FBXL17: variants seen among roughly 807,000 people sequenced by gnomAD.
FBXL17 encodes F-box and leucine rich repeat protein 17.
A neutral mutation model predicts 66.2 loss-of-function variants in FBXL17; 22 were observed. The observed-to-expected ratio is 0.33, with a 90% CI of 0.24 to 0.47. The LOEUF (loss-of-function observed/expected upper bound fraction) is 0.47. FBXL17 is among the 20% of genes least tolerant of loss of function. FBXL17 has a pLI of 1.00. For synonymous variants in FBXL17, 474 were observed against 400.5 expected (o/e 1.18, Z -2.19); for missense variants, 878 against 948.2 (o/e 0.93, Z 0.97).
In FBXL17 at chr5:107,987,289, T is replaced by G. The variant is rs576872400; in HGVS notation, c.1822+33636A>C. Among the ~76,000 whole-genome samples, 62 of 27,646 alleles carry G rather than the reference T, an allele frequency of 2.2e-3. 3 individuals carry two copies. The South Asian group carries it at 0.092, about 41-fold the overall frequency. The allele number at this position is 27,646 out of a possible 152,430, so 18.1% of individuals were successfully genotyped here. A position where few individuals can be genotyped will look rare whatever the true frequency, so the allele number is the denominator to read the frequency against. On this transcript the variant is annotated intron_variant, in intron 7 of 8. Coordinates refer to ENST00000542267, the MANE Select transcript of FBXL17 (RefSeq NM_001163315.3). The stretch of plus-strand genomic sequence containing the variant: ...ATTTTCAGCTTCTCACATCTGCTAT[T>G]GCTTGTTTTTTTTTTTTTAACCAAC...
intron 3 of FBXL17, among the ~76,000 whole-genome samples, chr5:108,360,807 A>G (rs1019247027): frequency 3.3e-5 from 5 of 151,986 alleles, no homozygotes; most frequent in Non-Finnish European, 7.4e-5. Flanking sequence ...TCTTAGACTC[A>G]ATAAATTCAA....
chr5:108,168,369 G>T (rs897968766), intron 6 of FBXL17, among the ~76,000 whole-genome samples: 2 of 152,006 alleles, frequency 1.3e-5, no homozygotes, highest in African/African-American at 2.4e-5. Flanking sequence ...CTTTCAAATG[G>T]GTCTAGCTTA....
intron 6 of FBXL17, among the ~76,000 whole-genome samples, chr5:108,046,329 T>C (rs926620853): frequency 6.6e-6 from 1 of 152,226 alleles, no homozygotes; most frequent in Non-Finnish European, 1.5e-5. Context: ...CCTGCCTATA[T>C]TGTTATAGTT....
intron 7 of FBXL17, among the ~76,000 whole-genome samples, chr5:108,001,815 T>G (rs139152457): frequency 3.3e-5 from 5 of 150,910 alleles, no homozygotes; most frequent in African/African-American, 9.9e-5. Context: ...ATTAGTTTCT[T>G]AAGGTTAGTT....
intron 4 of FBXL17, among the ~76,000 whole-genome samples, chr5:108,338,147 T>C (rs1293426810): frequency 6.6e-6 from 1 of 151,716 alleles, no homozygotes; most frequent in East Asian, 1.9e-4. Flanking sequence ...ATTAACCTAC[T>C]AAAAAGATAT....
intron 7 of FBXL17, among the ~76,000 whole-genome samples, chr5:107,990,573 A>G (rs994797575): frequency 6.6e-6 from 1 of 152,196 alleles, no homozygotes; most frequent in Admixed American, 6.6e-5. Flanking sequence ...AATAATAACA[A>G]TAACAACTAA....
chr5:108,178,992 G>T (rs898343419), intron 6 of FBXL17, among the ~76,000 whole-genome samples: 1 of 152,124 alleles, frequency 6.6e-6, no homozygotes, highest in African/African-American at 2.4e-5. Context: ...TCAGTCTCTA[G>T]GAGAATTAAG....
chr5:108,172,726 C>A (rs948932896), intron 6 of FBXL17, among the ~76,000 whole-genome samples: 1 of 152,170 alleles, frequency 6.6e-6, no homozygotes, highest in African/African-American at 2.4e-5. Context: ...GAGCCTTCAA[C>A]ACTTTTCTAT....
chr5:107,961,742 T>C (rs561796949), intron 7 of FBXL17, among the ~76,000 whole-genome samples: 1 of 152,300 alleles, frequency 6.6e-6, no homozygotes, highest in African/African-American at 2.4e-5. Flanking sequence ...AGATACCTGA[T>C]TCAAGAATGC....
At chr5:108,375,956 G>T (rs778680707) in intron 1 of FBXL17, among the ~76,000 whole-genome samples, 1 of 152,102 alleles carries the variant, frequency 6.6e-6, no homozygotes, top group Non-Finnish European at 1.5e-5. Flanking sequence ...TGCAAGGATG[G>T]TTCAACATAT....
chr5:108,207,691 A>C (rs1430368906), intron 5 of FBXL17, among the ~76,000 whole-genome samples: 2 of 152,148 alleles, frequency 1.3e-5, no homozygotes, highest in East Asian at 3.9e-4. Flanking sequence ...CATGGTGTAT[A>C]TGTGCCACAT....
chr5:107,878,108 C>A (rs1028165071), intron 8 of FBXL17: 17 of 322,810 alleles, frequency 5.3e-5, no homozygotes, highest in Non-Finnish European at 7.6e-5. Context: ...CCTACGGAGG[C>A]ATTAGTTTTT....
chr5:108,065,562 A>G lies in FBXL17; in HGVS notation c.1746-44561T>C, dbSNP rs548725962. Among the ~76,000 whole-genome samples the G allele has an allele frequency of 9.8e-5, 15 of 152,324 alleles. No individual in the cohort carries two copies. The East Asian group carries it at 2.9e-3, about 29-fold the overall frequency. ...CAGAAGGGAAGACAATTCAAAATTA[A>G]TAAATTCTGCTTCTAGTTGCCTTCT... On this transcript the variant is annotated intron_variant, in intron 6 of 8. Coordinates refer to ENST00000542267, the MANE Select transcript of FBXL17 (RefSeq NM_001163315.3).
chr5:107,962,573 A>C (rs949991527), intron 7 of FBXL17, among the ~76,000 whole-genome samples: 1 of 152,152 alleles, frequency 6.6e-6, no homozygotes, highest in Non-Finnish European at 1.5e-5. Context: ...CTGCATGCCA[A>C]GGGAAATTTT....
chr5:108,323,051 G>C (rs775386205), intron 4 of FBXL17, among the ~76,000 whole-genome samples: 1 of 151,812 alleles, frequency 6.6e-6, no homozygotes, highest in Non-Finnish European at 1.5e-5. Flanking sequence ...AACAAGACAT[G>C]ATGCCCATTT....
chr5:108,308,511 T>G (rs1758962466), intron 4 of FBXL17, among the ~76,000 whole-genome samples: 1 of 152,118 alleles, frequency 6.6e-6, no homozygotes. Flanking sequence ...AAGTATATTC[T>G]GCGGTCAAAA....
In FBXL17 at chr5:108,293,109, A is replaced by C. The variant is rs532322735; in HGVS notation, c.1506+55290T>G. Among the ~76,000 whole-genome samples the C allele has an allele frequency of 1.2e-4, 18 of 151,714 alleles. No homozygotes were observed. The East Asian group carries it at 2.7e-3, about 23-fold the overall frequency. ...TCTCAAAAAAAAAACAAAAAAAAAA[A>C]AACAAAAAAAAACTTGTTGAATAGA... On this transcript the variant is annotated intron_variant, in intron 4 of 8. Coordinates refer to ENST00000542267, the MANE Select transcript of FBXL17 (RefSeq NM_001163315.3).
At chr5:107,875,557 A>G (rs1018010146) in intron 8 of FBXL17, among the ~76,000 whole-genome samples, 6 of 151,956 alleles carry the variant, frequency 3.9e-5, no homozygotes, top group East Asian at 3.9e-4. Context: ...GGTAAAGCAG[A>G]CTCCTGGCTC....
intron 6 of FBXL17, among the ~76,000 whole-genome samples, chr5:108,136,760 G>C (rs983788174): frequency 6.6e-6 from 1 of 152,104 alleles, no homozygotes; most frequent in Non-Finnish European, 1.5e-5. Context: ...GCTATTATAA[G>C]GAATGTGGTC....
Sources: gnomAD v4.1 joint callset for allele counts (sites outside exome capture counted in the v4.1 genomes callset) on GRCh38, gnomAD v4.1.1 for gene constraint, MANE v1.5 for transcripts, NCBI Gene and HGNC (gene_info 2026-07-23, HGNC 2026-07-21) for gene names.